Variants in NTM observed in about 807,000 individuals in gnomAD.
NTM encodes the protein IgLON family member 2.
NTM carries 13 observed loss-of-function variants against 42.1 expected under a neutral mutation model. The observed-to-expected ratio is 0.31, with a 90% CI of 0.20 to 0.49. NTM has a LOEUF of 0.49. Ranked by LOEUF, NTM falls within the 20% of genes least tolerant of loss-of-function variation. The pLI, the probability that NTM is intolerant of heterozygous loss-of-function variation, is 0.99. For missense variants in NTM, 373 were observed against 452.8 expected, an observed-to-expected ratio of 0.82 and a Z score of 1.60; for synonymous variants, 187 against 179.2, an observed-to-expected ratio of 1.04 and a Z score of -0.35.
At chr11:132,224,680 A>G (rs1027116962) in intron 4 of NTM, among the ~76,000 whole-genome samples, 1 of 152,302 alleles carries the variant, frequency 6.6e-6, no homozygotes, top group East Asian at 1.9e-4. Context: ...CCTGTGGTCC[A>G]GAGTAAGAAG....
intron 7 of NTM, among the ~76,000 whole-genome samples, chr11:132,320,052 G>A (rs2095525353): frequency 1.3e-5 from 2 of 152,156 alleles, no homozygotes; most frequent in South Asian, 2.1e-4. Context: ...TGCAGATGAG[G>A]GTCCTGTCTG....
intron 1 of NTM, chr11:131,606,000 G>C (rs2060919890): frequency 2.0e-6 from 1 of 509,940 alleles, no homozygotes; most frequent in African/African-American, 2.1e-5. Context: ...TGCTCCCAAG[G>C]ACAGTGAGGG....
At chr11:131,910,893 C>G (rs772842269) in intron 1 of NTM, 17 of 986,034 alleles carry the variant, frequency 1.7e-5, no homozygotes, top group African/African-American at 5.2e-5. Flanking sequence ...CCGGATCGCA[C>G]GAAGCCCGCG....
At position 131,788,294 on chromosome 11, in the gene NTM, T is replaced by C. The variant is rs529347136; in HGVS notation, c.83-123270T>C. Among the ~76,000 whole-genome samples, 270 of 152,224 alleles carry C rather than the reference T, an allele frequency of 1.8e-3. 1 individual carries two copies. Among genetic ancestry groups the C allele is most frequent in the African/African-American group, 6.1e-3 (255 of 41,570 alleles). On this transcript the variant is annotated intron_variant, in intron 1 of 8. Coordinates refer to ENST00000683400, the MANE Select transcript of NTM (RefSeq NM_001352005.2). ...CCAACTTAAAAAAATTTATTACTCT[T>C]TCCCATTATAATTATTTTTGTCAGA...
chr11:131,608,782 G>A (rs1326030897), intron 1 of NTM, among the ~76,000 whole-genome samples: 2 of 151,844 alleles, frequency 1.3e-5, no homozygotes, highest in Non-Finnish European at 2.9e-5. Flanking sequence ...TGTTTGTAGA[G>A]CTTTCTCTGA....
At chr11:131,795,031 G>A in intron 1 of NTM, 4 of 978,860 alleles carry the variant, frequency 4.1e-6, no homozygotes, top group Non-Finnish European at 4.9e-6. Context: ...CCTGGACCCT[G>A]TAGCCAAAGG....
chr11:132,132,695 C>A (rs1444317878), intron 2 of NTM, among the ~76,000 whole-genome samples: 2 of 152,122 alleles, frequency 1.3e-5, no homozygotes, highest in Admixed American at 6.5e-5. Flanking sequence ...GGGGTAGAGA[C>A]CATTTTTCCC....
intron 1 of NTM, 110 bp downstream of exon 1, chr11:131,370,998 G>A: frequency 6.5e-7 from 1 of 1,542,874 alleles, no homozygotes; most frequent in Non-Finnish European, 8.7e-7. Context: ...TGCAGGTGGA[G>A]GAGAGAGCGT....
intron 1 of NTM, among the ~76,000 whole-genome samples, chr11:131,410,772 C>T (rs1432244351): frequency 5.9e-5 from 9 of 152,126 alleles, no homozygotes. Flanking sequence ...CTGCTTAAAA[C>T]CCATTTATGC....
At chr11:132,275,601 GT>G (rs1188660371) in intron 4 of NTM, among the ~76,000 whole-genome samples, 3 of 143,356 alleles carry the variant, frequency 2.1e-5, no homozygotes, top group Admixed American at 7.0e-5. Flanking sequence ...AAAGTACTGT[GT>G]TTTTTACTGG....
intron 2 of NTM, among the ~76,000 whole-genome samples, chr11:132,117,377 C>A (rs940077158): frequency 6.6e-6 from 1 of 152,190 alleles, no homozygotes; most frequent in African/African-American, 2.4e-5. Context: ...TCTCCCTAGT[C>A]TGTGCCCCAC....
chr11:131,476,283 G>A (rs1952932583), intron 1 of NTM, among the ~76,000 whole-genome samples: 1 of 152,202 alleles, frequency 6.6e-6, no homozygotes, highest in South Asian at 2.1e-4. Flanking sequence ...AACTCACCGT[G>A]TTAAATGTGA....
intron 1 of NTM, among the ~76,000 whole-genome samples, chr11:131,419,413 G>A (rs1347533415): frequency 3.3e-5 from 5 of 152,156 alleles, no homozygotes; most frequent in Non-Finnish European, 5.9e-5. Flanking sequence ...GGTTTCCATA[G>A]GTAGAATGAT....
intron 3 of NTM, among the ~76,000 whole-genome samples, chr11:132,206,704 C>T (rs2082039786): frequency 6.6e-6 from 1 of 152,162 alleles, no homozygotes; most frequent in Non-Finnish European, 1.5e-5. Context: ...TCTGCCTTCC[C>T]ATCTGTGCCC....
In NTM at chr11:131,462,776, C is replaced by T. The variant is rs192452368; in HGVS notation, c.82+91888C>T. Among the ~76,000 whole-genome samples, 6 of 151,708 alleles carry T rather than the reference C, an allele frequency of 4.0e-5. No homozygotes were observed. In the East Asian group the frequency reaches 7.9e-4, roughly 20 times the overall value. ...AAAACTGCCTTCTCCCTAGAGCGGG[C>T]CCACCTAGGGTGGTCCACCACCTTC... On this transcript the variant is annotated intron_variant, in intron 1 of 8. Coordinates refer to ENST00000683400, the MANE Select transcript of NTM (RefSeq NM_001352005.2).
At chr11:131,795,412 T>G in intron 1 of NTM, 1 of 984,766 alleles carries the variant, frequency 1.0e-6, no homozygotes, top group Non-Finnish European at 1.2e-6. Context: ...ATTTTAGGAC[T>G]GTCCTTAAAT....
intron 2 of NTM, among the ~76,000 whole-genome samples, chr11:131,983,051 G>GT (rs2065498889): frequency 1.4e-5 from 2 of 138,002 alleles, no homozygotes; most frequent in African/African-American, 2.8e-5. Context: ...AAAGGAAAAT[G>GT]ATTTTTTTTT....
At chr11:132,307,390 G>A (rs765614912) in intron 4 of NTM, among the ~76,000 whole-genome samples, 3 of 152,158 alleles carry the variant, frequency 2.0e-5, no homozygotes, top group Non-Finnish European at 4.4e-5. Context: ...TAAGATACAG[G>A]CAGTGTAAAT....
chr11:131,757,716 T>C (rs1335915360), intron 1 of NTM, among the ~76,000 whole-genome samples: 2 of 152,188 alleles, frequency 1.3e-5, no homozygotes, highest in East Asian at 3.9e-4. Flanking sequence ...TTTGTTTTTT[T>C]CTTAACAGGA....
Sources: gnomAD v4.1 joint callset for allele counts (sites outside exome capture counted in the v4.1 genomes callset) on GRCh38, gnomAD v4.1.1 for gene constraint, MANE v1.5 for transcripts, NCBI Gene and HGNC (gene_info 2026-07-23, HGNC 2026-07-21) for gene names.